NEK10: variants seen among roughly 807,000 people sequenced by gnomAD.
The protein encoded by NEK10 is serine/threonine-protein kinase Nek10.
Under a neutral mutation model 159.8 loss-of-function variants are expected in NEK10, and 122 were observed. That is an observed-to-expected ratio of 0.76 (90% CI 0.66 to 0.89). NEK10 has a LOEUF of 0.89. Ranked by LOEUF, NEK10 falls within the 40% of genes least tolerant of loss-of-function variation. The probability of loss-of-function intolerance (pLI) is 0.00; values close to 1 mark genes in which losing one functional copy is unlikely to be tolerated. For missense variants in NEK10, 1,342 were observed against 1,323.1 expected (o/e 1.01, Z -0.22); for synonymous variants, 466 against 457.1 (o/e 1.02, Z -0.25).
chr3:27,238,937 T>C (rs1379004716), intron 23 of NEK10, among the ~76,000 whole-genome samples: 1 of 152,074 alleles, frequency 6.6e-6, no homozygotes, highest in Non-Finnish European at 1.5e-5. Context: ...GGTTACTTGG[T>C]TATACCCTCT....
chr3:27,341,033 C>T (rs2047167745), intron 5 of NEK10, among the ~76,000 whole-genome samples: 1 of 151,932 alleles, frequency 6.6e-6, no homozygotes, highest in Admixed American at 6.6e-5. Context: ...AGAAAAAAAT[C>T]ACATCATTTA....
chr3:27,152,827 A>G (rs1945019663), intron 30 of NEK10, among the ~76,000 whole-genome samples: 1 of 152,244 alleles, frequency 6.6e-6, no homozygotes, highest in Admixed American at 6.5e-5. Context: ...AAGGCATTTC[A>G]TGCAAATGGA....
chr3:27,233,013 C>A (rs1012937100), intron 23 of NEK10, among the ~76,000 whole-genome samples: 6 of 151,976 alleles, frequency 3.9e-5, no homozygotes, highest in African/African-American at 1.4e-4. Context: ...AAACCAAATG[C>A]AACGAAAACA....
chr3:27,283,154 T>C (rs1026432445), intron 22 of NEK10, among the ~76,000 whole-genome samples: 6 of 152,126 alleles, frequency 3.9e-5, no homozygotes, highest in Non-Finnish European at 8.8e-5. Flanking sequence ...ACACATGTTG[T>C]TATAGCAAAT....
intron 23 of NEK10, among the ~76,000 whole-genome samples, chr3:27,238,259 G>A (rs1197303398): frequency 6.6e-6 from 1 of 152,146 alleles, no homozygotes; most frequent in African/African-American, 2.4e-5. Context: ...TAAAACTGAA[G>A]CTATAGAAAA....
chr3:27,268,828 T>C (rs1329474670), intron 22 of NEK10, among the ~76,000 whole-genome samples: 2 of 152,150 alleles, frequency 1.3e-5, no homozygotes, highest in Non-Finnish European at 2.9e-5. Context: ...AGATAGTGAC[T>C]CCTCTAATGG....
intron 23 of NEK10, among the ~76,000 whole-genome samples, chr3:27,231,153 T>C (rs991511240): frequency 2.0e-5 from 3 of 151,988 alleles, no homozygotes; most frequent in South Asian, 2.1e-4. Context: ...GTCAAAATCA[T>C]ATGAAGTATC....
intron 23 of NEK10, among the ~76,000 whole-genome samples, chr3:27,245,862 A>G (rs145526586): frequency 1.3e-5 from 2 of 152,306 alleles, no homozygotes; most frequent in African/African-American, 2.4e-5. Context: ...TCTTATCACT[A>G]TGTATTTCCT....
intron 23 of NEK10, among the ~76,000 whole-genome samples, chr3:27,229,312 A>G (rs1952981075): frequency 6.6e-6 from 1 of 152,220 alleles, no homozygotes; most frequent in South Asian, 2.1e-4. Context: ...AATAAACTAT[A>G]AACATTAAAG....
intron 19 of NEK10, 79 bp from the exon 20 acceptor site, chr3:27,287,822 CA>C: frequency 7.4e-7 from 1 of 1,356,658 alleles, no homozygotes; most frequent in Non-Finnish European, 9.8e-7. Flanking sequence ...AGTTGGACTT[CA>C]TATTTGAAAA....
chr3:27,284,502 A>G (rs1054414074), intron 22 of NEK10, 100 bp downstream of exon 22: 2 of 703,634 alleles, frequency 2.8e-6, no homozygotes, highest in Non-Finnish European at 5.1e-6. Context: ...GCATAGACAA[A>G]GAACATTCCC....
chr3:27,116,754 C>A (rs921301669), intron 33 of NEK10, among the ~76,000 whole-genome samples: 3 of 151,974 alleles, frequency 2.0e-5, no homozygotes, highest in Non-Finnish European at 4.4e-5. Flanking sequence ...TTGCCTACAG[C>A]CTTCCAACGT....
intron 19 of NEK10, among the ~76,000 whole-genome samples, chr3:27,288,965 G>A (rs2149481473): frequency 6.6e-6 from 1 of 152,244 alleles, no homozygotes; most frequent in African/African-American, 2.4e-5. Flanking sequence ...TGAAGCTGGG[G>A]GTGAGGCTAC....
intron 13 of NEK10, among the ~76,000 whole-genome samples, chr3:27,299,130 C>T (rs1041953760): frequency 1.3e-5 from 2 of 152,174 alleles, no homozygotes; most frequent in African/African-American, 2.4e-5. Flanking sequence ...ACCTTTGTGG[C>T]AGTCCCTCCC....
At chr3:27,260,131 G>A (rs2040268573) in intron 22 of NEK10, among the ~76,000 whole-genome samples, 1 of 151,838 alleles carries the variant, frequency 6.6e-6, no homozygotes, top group African/African-American at 2.4e-5. Flanking sequence ...TGAGACGATG[G>A]GGTTTTCTAA....
chr3:27,364,191 T>G (rs1008057385), intron 1 of NEK10, among the ~76,000 whole-genome samples: 119 of 152,172 alleles, frequency 7.8e-4, no homozygotes, highest in African/African-American at 2.3e-3. Flanking sequence ...ATTTATTTTT[T>G]GAGATGGAGT....
chr3:27,256,285 AT>A lies in NEK10; in HGVS notation c.2090+10del, dbSNP rs749319685. On this transcript the variant is annotated intron_variant, in intron 23 of 35. Transcript: ENST00000691995. ...TATGATGTTTGAGAGCCATAAAAGA[AT>A]TGTCCTTACCAAGAATACAGGATTG... 7.2e-7 allele frequency: 1 copy of A among 1,388,706 alleles called. No individual in the cohort carries two copies. The highest frequency in any genetic ancestry group is 9.7e-7 in the Non-Finnish European group (1 of 1,026,680). 86.0% of individuals were successfully genotyped at this position (1,388,706 alleles called of 1,614,324 possible).
intron 31 of NEK10, among the ~76,000 whole-genome samples, chr3:27,134,974 C>T (rs894581198): frequency 3.9e-5 from 6 of 152,122 alleles, no homozygotes; most frequent in Non-Finnish European, 8.8e-5. Flanking sequence ...ACTTATAAAG[C>T]AAGTACTATT....
chr3:27,137,852 A>G (rs1211229895), intron 31 of NEK10, among the ~76,000 whole-genome samples: 1 of 152,228 alleles, frequency 6.6e-6, no homozygotes, highest in African/African-American at 2.4e-5. Context: ...GGCTAAAGGG[A>G]AAGCAAGGAG....
Sources: gnomAD v4.1 joint callset for allele counts (sites outside exome capture counted in the v4.1 genomes callset) on GRCh38, gnomAD v4.1.1 for gene constraint, MANE v1.5 for transcripts, NCBI Gene and HGNC (gene_info 2026-07-23, HGNC 2026-07-21) for gene names.